The following CORO2B variants were observed in gnomAD, a reference collection of about 807,000 sequenced individuals.
CORO2B encodes the protein coronin 2B.
CORO2B carries 26 observed loss-of-function variants against 58.8 expected under a neutral mutation model. The observed-to-expected ratio is 0.44, with a 90% CI of 0.32 to 0.61. CORO2B has a LOEUF of 0.61. CORO2B is among the 20% of genes least tolerant of loss of function. The pLI is 0.04. For synonymous variants in CORO2B, 242 were observed against 253.8 expected (o/e 0.95, Z 0.44); for missense variants, 460 against 645.1 (o/e 0.71, Z 3.11).
chr15:68,712,332 AT>A (rs555782159), intron 5 of CORO2B, among the ~76,000 whole-genome samples: 147 of 152,318 alleles, frequency 9.7e-4, no homozygotes, highest in African/African-American at 3.4e-3. Context: ...TTACCTTGGA[AT>A]AGTCCAATAT....
upstream of CORO2B, among the ~76,000 whole-genome samples, chr15:68,576,173 A>AAGAAAGAAAGAAAGAAAG (rs1555409380): frequency 1.9e-5 from 2 of 103,844 alleles, no homozygotes; most frequent in African/African-American, 8.6e-5. Flanking sequence ...AAAAAAAAAA[A>AAGAAAGAAAGAAAGAAAG]AAAGAAAGAA....
At chr15:68,685,977 C>A (rs1281352665) in intron 2 of CORO2B, among the ~76,000 whole-genome samples, 1 of 150,312 alleles carries the variant, frequency 6.7e-6, no homozygotes, top group Non-Finnish European at 1.5e-5. Context: ...CTGCCGCCGA[C>A]CCCTTGTGGG....
the CORO2B span, among the ~76,000 whole-genome samples, chr15:68,549,438 C>G: frequency 1.3e-5 from 2 of 151,946 alleles, no homozygotes; most frequent in African/African-American, 4.8e-5. Flanking sequence ...TTTTATGTGT[C>G]TGTTCTCGTG....
the CORO2B span, among the ~76,000 whole-genome samples, chr15:68,534,772 G>T: frequency 6.6e-6 from 1 of 152,220 alleles, no homozygotes; most frequent in African/African-American, 2.4e-5. Flanking sequence ...CCCAAGACTG[G>T]GTAATTTATA....
At chr15:68,565,481 A>AAT in the CORO2B span, among the ~76,000 whole-genome samples, 1 of 151,382 alleles carries the variant, frequency 6.6e-6, no homozygotes, top group East Asian at 1.9e-4. Context: ...TTAAGGAGCA[A>AAT]ATATATATAT....
chr15:68,530,090 C>T, the CORO2B span, among the ~76,000 whole-genome samples: 7 of 152,138 alleles, frequency 4.6e-5, no homozygotes, highest in Admixed American at 2.6e-4. Context: ...TTTGGGAGGC[C>T]GAGGCGGGTG....
the CORO2B span, among the ~76,000 whole-genome samples, chr15:68,538,805 C>T: frequency 6.6e-6 from 1 of 152,304 alleles, no homozygotes; most frequent in African/African-American, 2.4e-5. Context: ...GGACTTCTCA[C>T]ATTCTAAAGA....
At chr15:68,637,750 C>T (rs1014267205) in intron 1 of CORO2B, among the ~76,000 whole-genome samples, 9 of 151,702 alleles carry the variant, frequency 5.9e-5, no homozygotes, top group Admixed American at 2.0e-4. Context: ...GGGCTCCCCC[C>T]ACATTACACA....
the CORO2B span, among the ~76,000 whole-genome samples, chr15:68,569,757 A>G: frequency 6.6e-6 from 1 of 152,240 alleles, no homozygotes; most frequent in Non-Finnish European, 1.5e-5. Context: ...CCTACCAACA[A>G]TGAATGAGAG....
At chr15:68,520,399 T>C in the CORO2B span, among the ~76,000 whole-genome samples, 4 of 152,238 alleles carry the variant, frequency 2.6e-5, no homozygotes, top group African/African-American at 4.8e-5. Context: ...GTGATTTTTG[T>C]TTATTTCTCC....
intron 3 of CORO2B, among the ~76,000 whole-genome samples, chr15:68,704,707 T>C (rs1892741254): frequency 6.6e-6 from 1 of 152,190 alleles, no homozygotes; most frequent in Non-Finnish European, 1.5e-5. Flanking sequence ...GTATCTAATC[T>C]GTTTGGCACA....
At chr15:68,593,708 G>C (rs1201511147) in intron 1 of CORO2B, among the ~76,000 whole-genome samples, 1 of 151,880 alleles carries the variant, frequency 6.6e-6, no homozygotes, top group African/African-American at 2.4e-5. Flanking sequence ...CAGTTTGTCT[G>C]CCCCTTGATA....
intron 2 of CORO2B, among the ~76,000 whole-genome samples, chr15:68,650,356 TAAAAAAAAAAAAAAAAAAA>T (rs532431600): frequency 7.0e-5 from 6 of 86,082 alleles, no homozygotes; most frequent in African/African-American, 2.7e-4. Context: ...AAACTCTGTC[TAAAAAAAAAAAAAAAAAAA>T]AAAAAAAAAA....
At chr15:68,548,623 A>G in the CORO2B span, among the ~76,000 whole-genome samples, 1 of 152,174 alleles carries the variant, frequency 6.6e-6, no homozygotes, top group Non-Finnish European at 1.5e-5. Flanking sequence ...GCAGTTTCAA[A>G]TTTACTACTT....
intron 1 of CORO2B, among the ~76,000 whole-genome samples, chr15:68,626,289 A>T (rs1258143535): frequency 6.6e-6 from 1 of 152,204 alleles, no homozygotes; most frequent in Non-Finnish European, 1.5e-5. Flanking sequence ...TACAGTGGGA[A>T]TGTGGGTGCA....
At chr15:68,705,454 A>AAG (rs1892762501) in intron 3 of CORO2B, among the ~76,000 whole-genome samples, 1 of 150,920 alleles carries the variant, frequency 6.6e-6, no homozygotes, top group Non-Finnish European at 1.5e-5. Flanking sequence ...AAAAAAAAAA[A>AAG]GAAAGTAAAT....
intron 3 of CORO2B, among the ~76,000 whole-genome samples, chr15:68,702,815 CTTTTTCTTTTTTTTTTTT>C (rs1336594846): frequency 2.3e-5 from 3 of 127,984 alleles, no homozygotes; most frequent in African/African-American, 8.8e-5. Context: ...TTTTCTTTTT[CTTTTTCTTTTTTTTTTTT>C]TTTTTTTTTT....
At chr15:68,644,571 C>T (rs1901360961) in intron 1 of CORO2B, among the ~76,000 whole-genome samples, 1 of 152,122 alleles carries the variant, frequency 6.6e-6, no homozygotes, top group African/African-American at 2.4e-5. Context: ...CCTCTCTGTG[C>T]CTGATGATAT....
chr15:68,719,009 G>A, intron 9 of CORO2B, 135 bp from the exon 10 acceptor site: 1 of 860,570 alleles, frequency 1.2e-6, no homozygotes, highest in Non-Finnish European at 1.9e-6. Context: ...GTTCCAGGAG[G>A]GAGACACAGT....
Sources: allele counts gnomAD v4.1 joint callset (sites outside exome capture counted in the v4.1 genomes callset), GRCh38; gene constraint gnomAD v4.1.1; transcripts MANE v1.5; gene names NCBI Gene and HGNC (gene_info 2026-07-23, HGNC 2026-07-21).